The following SH3RF2 variants were observed in gnomAD, a reference collection of about 807,000 sequenced individuals.
SH3RF2 encodes SH3 domain containing ring finger 2, also known as E3 ubiquitin-protein ligase SH3RF2.
In SH3RF2, 43 loss-of-function variants were observed where a neutral mutation model predicts 59.0. The observed-to-expected ratio is 0.73, with a 90% CI of 0.57 to 0.94. The LOEUF (loss-of-function observed/expected upper bound fraction) is 0.94, where lower values mean the gene tolerates loss of function less well. SH3RF2 is among the 40% of genes least tolerant of loss of function. The pLI is 0.00. For missense variants in SH3RF2, 930 were observed against 940.1 expected (o/e 0.99, Z 0.14); for synonymous variants, 391 against 391.5 (o/e 1.00, Z 0.01).
chr5:145,941,810 G>A (rs1327740500), intron 2 of SH3RF2, among the ~76,000 whole-genome samples: 1 of 152,152 alleles, frequency 6.6e-6, no homozygotes, highest in Non-Finnish European at 1.5e-5. Context: ...ACCTCAGAGG[G>A]TTGTTGTGAG....
downstream of SH3RF2, among the ~76,000 whole-genome samples, chr5:146,065,668 C>A (rs1362748412): frequency 6.6e-6 from 1 of 152,196 alleles, no homozygotes; most frequent in East Asian, 1.9e-4. Flanking sequence ...GTCTCTTCAC[C>A]CATGTGCAGC....
rs200680123 is a variant in SH3RF2, at chr5:145,937,973, C to A, written c.45C>A (p.Cys15Ter). ...TLLDLLECPV[C>*]FEKLDVTAKV... is the part of the protein sequence containing the mutation. Reference sequence around the variant, plus strand: ...TTGATCTTCTGGAGTGCCCTGTGTGCTTTGAGAAGCTCGATGTCACAGCCA... The same window carrying A: ...TTGATCTTCTGGAGTGCCCTGTGTGATTTGAGAAGCTCGATGTCACAGCCA... The change falls in exon 2 of 10, where the codon TGC becomes TGA. Residue 15 changes from cysteine (C) to a stop codon, truncating the protein, a stop_gained. Coordinates refer to ENST00000359120, the MANE Select transcript of SH3RF2 (RefSeq NM_152550.4). LOFTEE classifies it high-confidence loss of function. 3 of 1,614,054 alleles carry A rather than the reference C, an allele frequency of 1.9e-6. No individual in the cohort carries two copies. In the East Asian group the frequency reaches 6.7e-5, roughly 36 times the overall value.
At chr5:145,989,054 G>C (rs965954212) in intron 2 of SH3RF2, among the ~76,000 whole-genome samples, 4 of 152,168 alleles carry the variant, frequency 2.6e-5, no homozygotes, top group African/African-American at 4.8e-5. Context: ...GAACCCACAG[G>C]GAAAGTTACA....
At chr5:146,049,021 C>T (rs1262086164) in intron 6 of SH3RF2, 54 bp from the exon 7 acceptor site, 3 of 1,601,572 alleles carry the variant, frequency 1.9e-6, no homozygotes, top group Non-Finnish European at 2.6e-6. Flanking sequence ...CACTCCATGC[C>T]CCCCATCAGG....
At chr5:146,071,410 G>A (rs563441228) in intron 9 of SH3RF2, among the ~76,000 whole-genome samples, 4 of 152,334 alleles carry the variant, frequency 2.6e-5, no homozygotes, top group African/African-American at 9.6e-5. Context: ...CAGTCAGAAG[G>A]GGTGATACTG....
chr5:146,028,163 A>AACACACACACACACACACACAC (rs10586561), intron 5 of SH3RF2, among the ~76,000 whole-genome samples: 1 of 142,308 alleles, frequency 7.0e-6, no homozygotes. Flanking sequence ...TGAGGCCTGC[A>AACACACACACACACACACACAC]ACACACACAC....
At chr5:146,004,012 G>A in intron 3 of SH3RF2, 46 bp from the exon 4 acceptor site, 4 of 1,538,938 alleles carry the variant, frequency 2.6e-6, no homozygotes, top group Non-Finnish European at 3.6e-6. Context: ...AGCTTTTACT[G>A]CCTGAAAATG....
intron 5 of SH3RF2, among the ~76,000 whole-genome samples, chr5:146,046,958 A>G (rs1034838084): frequency 2.0e-5 from 3 of 152,148 alleles, no homozygotes; most frequent in Non-Finnish European, 4.4e-5. Context: ...GGATCTTACT[A>G]TGTTTCCCAG....
intron 5 of SH3RF2, among the ~76,000 whole-genome samples, chr5:146,040,028 C>A (rs1454722064): frequency 1.3e-5 from 2 of 152,146 alleles, no homozygotes; most frequent in Non-Finnish European, 2.9e-5. Context: ...ATAGACAAAA[C>A]TAAACAACAT....
Position 146,016,398 on chromosome 5 carries a change from G to GGATA in SH3RF2, c.1059+2340_1059+2341insAGAT, listed in dbSNP as rs1491284326. On this transcript the variant is annotated intron_variant, in intron 5 of 9. Transcript: ENST00000359120. ...TGGATGGATGGATGGATGGATGGAT[G>GGATA]GATGGATAGATGATTGATACATAGA... Among the ~76,000 whole-genome samples the GGATA allele has an allele frequency of 2.6e-4, 39 of 148,078 alleles. 1 individual carries two copies. The highest frequency in any genetic ancestry group is 4.2e-4 in the South Asian group (2 of 4,798).
At chr5:145,995,379 G>A (rs1404193521) in intron 2 of SH3RF2, among the ~76,000 whole-genome samples, 1 of 152,178 alleles carries the variant, frequency 6.6e-6, no homozygotes, top group Non-Finnish European at 1.5e-5. Context: ...GAAGTATGGA[G>A]GAACAATTAT....
chr5:145,997,941 C>T, intron 2 of SH3RF2: 1 of 800,686 alleles, frequency 1.2e-6, no homozygotes. Flanking sequence ...ACAGTTTATG[C>T]CTGACCCCAA....
At chr5:145,944,314 C>T (rs1757932311) in intron 2 of SH3RF2, among the ~76,000 whole-genome samples, 1 of 150,380 alleles carries the variant, frequency 6.6e-6, no homozygotes, top group Non-Finnish European at 1.5e-5. Flanking sequence ...TCAACCTGGA[C>T]AACTTTACTC....
chr5:145,958,920 T>C (rs764863049), intron 2 of SH3RF2, among the ~76,000 whole-genome samples: 2 of 152,326 alleles, frequency 1.3e-5, no homozygotes, highest in South Asian at 2.1e-4. Flanking sequence ...TTCAGACCTC[T>C]GGTGCTCAAC....
intron 2 of SH3RF2, among the ~76,000 whole-genome samples, chr5:145,956,642 G>A (rs951556454): frequency 6.6e-6 from 1 of 152,090 alleles, no homozygotes; most frequent in Non-Finnish European, 1.5e-5. Flanking sequence ...TTAAGATATA[G>A]AAATTATAGA....
intron 9 of SH3RF2, among the ~76,000 whole-genome samples, chr5:146,073,777 G>C (rs56338521): frequency 0.27 from 41,469 of 152,026 alleles, 6,441 homozygotes; most frequent in Admixed American, 0.37. Context: ...GCAGGAAGTG[G>C]AGTAAATGGC....
intron 7 of SH3RF2, among the ~76,000 whole-genome samples, chr5:146,050,830 A>G (rs1218330746): frequency 6.6e-6 from 1 of 152,220 alleles, no homozygotes; most frequent in Admixed American, 6.5e-5. Context: ...ACAATTTTAG[A>G]TAGGTTGGTG....
At chr5:146,059,381 T>G (rs1172251279) in intron 8 of SH3RF2, among the ~76,000 whole-genome samples, 2 of 150,078 alleles carry the variant, frequency 1.3e-5, no homozygotes, top group African/African-American at 4.9e-5. Context: ...CTGGGCAGAG[T>G]TTTCCTCTCT....
intron 8 of SH3RF2, among the ~76,000 whole-genome samples, chr5:146,057,984 C>CTATATATATATATATATATATA (rs751628879): frequency 6.9e-6 from 1 of 145,740 alleles, no homozygotes; most frequent in African/African-American, 2.7e-5. Flanking sequence ...ATCTATCTAT[C>CTATATATATATATATATATATA]TATATATATA....
Sources: gnomAD v4.1 joint callset for allele counts (sites outside exome capture counted in the v4.1 genomes callset) on GRCh38, gnomAD v4.1.1 for gene constraint, MANE v1.5 for transcripts, NCBI Gene and HGNC (gene_info 2026-07-23, HGNC 2026-07-21) for gene names.